The following FRMD4B variants were observed in gnomAD, a reference collection of about 807,000 sequenced individuals.
The protein encoded by FRMD4B is FERM domain-containing protein 4B.
In FRMD4B, 74 loss-of-function variants were observed where a neutral mutation model predicts 141.5. The ratio of observed to expected loss-of-function variants is 0.52; its 90% CI spans 0.43 to 0.63. The LOEUF is 0.63. FRMD4B is among the 30% of genes least tolerant of loss of function. The pLI is 0.00. For synonymous variants in FRMD4B, 506 were observed against 467.9 expected (o/e 1.08, Z -1.05); for missense variants, 1,366 against 1,253.4 (o/e 1.09, Z -1.36).
chr3:69,311,406 A>G (rs761388930), intron 2 of FRMD4B, 49 bp from the exon 3 acceptor site: 29 of 833,746 alleles, frequency 3.5e-5, no homozygotes, highest in South Asian at 2.5e-4. Context: ...CCTCTCTCTT[A>G]CTGCTACCAC....
intron 7 of FRMD4B, among the ~76,000 whole-genome samples, chr3:69,244,892 T>A (rs1329226276): frequency 1.3e-5 from 2 of 152,120 alleles, no homozygotes; most frequent in African/African-American, 4.8e-5. Flanking sequence ...TACACACAGA[T>A]GTTCATCACA....
At chr3:69,455,031 G>T (rs1344443253) in intron 1 of FRMD4B, among the ~76,000 whole-genome samples, 1 of 152,168 alleles carries the variant, frequency 6.6e-6, no homozygotes, top group Non-Finnish European at 1.5e-5. Context: ...GGGACTTGGA[G>T]AACCTTTATG....
chr3:69,262,332 G>T (rs990001044), intron 5 of FRMD4B, among the ~76,000 whole-genome samples: 1 of 151,954 alleles, frequency 6.6e-6, no homozygotes, highest in Non-Finnish European at 1.5e-5. Context: ...ATACACTATG[G>T]CTCAGCAATT....
In FRMD4B at chr3:69,405,866, T is replaced by C. The variant is rs150510961; in HGVS notation, c.-1+26768A>G. Among the ~76,000 whole-genome samples the C allele has an allele frequency of 2.5e-3, 381 of 152,328 alleles. 1 individual carries two copies. Among genetic ancestry groups the C allele is most frequent in the African/African-American group, 8.9e-3 (368 of 41,572 alleles). Reference sequence around the variant, plus strand: ...TTGGTCCCTTGTAGTGAAACAGTACTGCAGGATAGGCACCATATTAATAGT... The same window carrying C: ...TTGGTCCCTTGTAGTGAAACAGTACCGCAGGATAGGCACCATATTAATAGT... On this transcript the variant is annotated intron_variant, in intron 2 of 5. Coordinates refer to the FRMD4B transcript ENST00000459638.
At chr3:69,351,239 A>T (rs542297476) in intron 1 of FRMD4B, among the ~76,000 whole-genome samples, 2 of 152,208 alleles carry the variant, frequency 1.3e-5, no homozygotes, top group Non-Finnish European at 2.9e-5. Flanking sequence ...AGTTTAGGAA[A>T]ATATTGCATT....
intron 1 of FRMD4B, among the ~76,000 whole-genome samples, chr3:69,317,220 T>C (rs1701830230): frequency 6.6e-6 from 1 of 152,250 alleles, no homozygotes; most frequent in Non-Finnish European, 1.5e-5. Context: ...AACCATTTCA[T>C]GACAAACTTA....
At chr3:69,221,708 A>T in intron 9 of FRMD4B, 150 bp downstream of exon 9, 1 of 619,534 alleles carries the variant, frequency 1.6e-6, no homozygotes, top group South Asian at 1.8e-5. Context: ...AATGTATAGA[A>T]TGACCGAAGA....
chr3:69,228,528 A>G, intron 7 of FRMD4B: 2 of 445,510 alleles, frequency 4.5e-6, no homozygotes, highest in South Asian at 3.1e-5. Flanking sequence ...CAAAACTTTA[A>G]TTTATCTTCA....
rs1209178603 is a variant in FRMD4B, at chr3:69,188,148, C to A, written c.1772-231G>T. Among the ~76,000 whole-genome samples, 4 of 152,210 alleles carry A rather than the reference C, an allele frequency of 2.6e-5. No individual in the cohort carries two copies. The East Asian group carries it at 7.7e-4, about 29-fold the overall frequency. The stretch of plus-strand genomic sequence containing the variant: ...TTCTGGGACCTGAACCATCTTTTGC[C>A]AAATTCAACAGGTGTCACTTAGAGT... On this transcript the variant is annotated intron_variant, in intron 18 of 22. Coordinates refer to ENST00000398540, the MANE Select transcript of FRMD4B (RefSeq NM_015123.3).
chr3:69,337,678 C>T (rs113115828), intron 1 of FRMD4B, among the ~76,000 whole-genome samples: 2,981 of 152,262 alleles, frequency 0.02, 110 homozygotes, highest in African/African-American at 0.068. Flanking sequence ...AAAGAAGTCA[C>T]TTATGCAGCC....
intron 1 of FRMD4B, among the ~76,000 whole-genome samples, chr3:69,454,427 G>A (rs746383359): frequency 1.6e-4 from 25 of 152,208 alleles, no homozygotes; most frequent in Admixed American, 1.3e-3. Context: ...TGCTTGCTGG[G>A]AGGTGTGGAG....
intron 4 of FRMD4B, among the ~76,000 whole-genome samples, chr3:69,290,487 G>A (rs1327351264): frequency 1.3e-5 from 2 of 152,172 alleles, no homozygotes; most frequent in African/African-American, 4.8e-5. Flanking sequence ...GATGACCCAT[G>A]TTATACAAGT....
chr3:69,231,100 C>T (rs765602947), intron 7 of FRMD4B, among the ~76,000 whole-genome samples: 1 of 152,170 alleles, frequency 6.6e-6, no homozygotes, highest in Non-Finnish European at 1.5e-5. Flanking sequence ...GGATGGGAGA[C>T]AGCCCGGAAA....
intron 17 of FRMD4B, among the ~76,000 whole-genome samples, chr3:69,191,915 A>G (rs991972953): frequency 2.0e-5 from 3 of 152,214 alleles, no homozygotes; most frequent in African/African-American, 7.2e-5. Context: ...TTGATGCTGT[A>G]CATTCCCTTT....
intron 5 of FRMD4B, among the ~76,000 whole-genome samples, chr3:69,260,599 G>A (rs1056854241): frequency 3.3e-5 from 5 of 152,374 alleles, no homozygotes; most frequent in East Asian, 1.9e-4. Context: ...AATGGGCGCC[G>A]CCTGGTCCCA....
intron 1 of FRMD4B, among the ~76,000 whole-genome samples, chr3:69,471,205 T>C (rs1559537309): frequency 6.6e-6 from 1 of 152,192 alleles, no homozygotes; most frequent in Non-Finnish European, 1.5e-5. Flanking sequence ...AATATCTTTG[T>C]AATCAAATAG....
chr3:69,302,752 G>C (rs146708172), intron 3 of FRMD4B, among the ~76,000 whole-genome samples: 14 of 152,296 alleles, frequency 9.2e-5, no homozygotes, highest in African/African-American at 3.4e-4. Context: ...CGATGTCCAA[G>C]AGGATATTGT....
At chr3:69,371,247 G>T (rs1703815182) in intron 1 of FRMD4B, among the ~76,000 whole-genome samples, 1 of 152,182 alleles carries the variant, frequency 6.6e-6, no homozygotes, top group South Asian at 2.1e-4. Context: ...GAATGTGCTT[G>T]GCAGGTTTGA....
rs369316834 is a variant in FRMD4B, at chr3:69,476,343, C to T, written c.-128-43582G>A. Among the ~76,000 whole-genome samples the T allele has an allele frequency of 3.9e-5, 6 of 152,042 alleles. No individual in the cohort carries two copies. The South Asian group carries it at 6.2e-4, about 16-fold the overall frequency. Reference sequence around the variant, plus strand: ...AGGGTTTTTATGGTTTTAGGTCTAACGTTTAAGTCTTTATTCCATCTTGAA... The same window carrying T: ...AGGGTTTTTATGGTTTTAGGTCTAATGTTTAAGTCTTTATTCCATCTTGAA... On this transcript the variant is annotated intron_variant, in intron 1 of 5. Transcript: ENST00000459638.
Sources: allele counts gnomAD v4.1 joint callset (sites outside exome capture counted in the v4.1 genomes callset), GRCh38; gene constraint gnomAD v4.1.1; transcripts MANE v1.5; gene names NCBI Gene and HGNC (gene_info 2026-07-23, HGNC 2026-07-21).